Variants in HHAT observed in about 807,000 individuals in gnomAD.
HHAT encodes protein-cysteine N-palmitoyltransferase HHAT.
A neutral mutation model predicts 70.8 loss-of-function variants in HHAT; 47 were observed. The observed-to-expected ratio is 0.66, with a 90% CI of 0.53 to 0.85. The LOEUF is 0.85. HHAT is among the 40% of genes least tolerant of loss of function. The probability of loss-of-function intolerance (pLI) is 0.00; values close to 1 mark genes in which losing one functional copy is unlikely to be tolerated. For synonymous variants in HHAT, 228 were observed against 247.6 expected (o/e 0.92, Z 0.74); for missense variants, 609 against 604.8 (o/e 1.01, Z -0.07).
At chr1:210,524,305 A>G (rs2095212382) in intron 9 of HHAT, among the ~76,000 whole-genome samples, 1 of 152,222 alleles carries the variant, frequency 6.6e-6, no homozygotes, top group Non-Finnish European at 1.5e-5. Flanking sequence ...AAGCACTGTC[A>G]TTCCCTTGAT....
At chr1:210,347,427 TGGTG>T (rs1229153001) in intron 1 of HHAT, among the ~76,000 whole-genome samples, 5 of 152,264 alleles carry the variant, frequency 3.3e-5, no homozygotes, top group Middle Eastern at 3.4e-3. Context: ...TAGAAGTACT[TGGTG>T]GGGTTGGTGG....
At chr1:210,437,679 A>G (rs545404137) in intron 7 of HHAT, among the ~76,000 whole-genome samples, 1 of 151,844 alleles carries the variant, frequency 6.6e-6, no homozygotes, top group South Asian at 2.1e-4. Context: ...TGTTATTTAG[A>G]CTGCCGGGCC....
intron 8 of HHAT, among the ~76,000 whole-genome samples, chr1:210,479,451 ATT>A (rs2094357803): frequency 6.6e-6 from 1 of 152,052 alleles, no homozygotes; most frequent in South Asian, 2.1e-4. Context: ...TTCCACATCT[ATT>A]GTCTCATTTG....
At chr1:210,429,136 C>A (rs2093167528) in intron 7 of HHAT, among the ~76,000 whole-genome samples, 1 of 151,840 alleles carries the variant, frequency 6.6e-6, no homozygotes. Context: ...TTTTAAATAT[C>A]TAGAATGTTT....
chr1:210,425,331 T>A (rs944236495), intron 7 of HHAT, among the ~76,000 whole-genome samples: 1 of 152,246 alleles, frequency 6.6e-6, no homozygotes, highest in Non-Finnish European at 1.5e-5. Context: ...TGTTTTGCTG[T>A]GCAGAAGCTC....
intron 3 of HHAT, among the ~76,000 whole-genome samples, chr1:210,375,354 A>C (rs906673027): frequency 6.6e-6 from 1 of 152,182 alleles, no homozygotes; most frequent in Admixed American, 6.5e-5. Flanking sequence ...TATTTTTATC[A>C]TTCTGCAATG....
chr1:210,400,075 T>C (rs946977097), intron 4 of HHAT, among the ~76,000 whole-genome samples: 2 of 152,238 alleles, frequency 1.3e-5, no homozygotes, highest in Non-Finnish European at 2.9e-5. Context: ...CCTTCACTTC[T>C]GAAGGATGCT....
chr1:210,374,199 T>C (rs548513080), intron 3 of HHAT: 35 of 152,356 alleles, frequency 2.3e-4, no homozygotes, highest in African/African-American at 5.8e-4. Context: ...TTATAACTGA[T>C]TTGTTTCTCT....
intron 4 of HHAT, among the ~76,000 whole-genome samples, chr1:210,396,285 G>A (rs2091782427): frequency 6.6e-6 from 1 of 152,224 alleles, no homozygotes; most frequent in East Asian, 1.9e-4. Context: ...GTTCCGGTGG[G>A]GCTGTCATCC....
chr1:210,401,210 G>A (rs2092054989), intron 5 of HHAT, among the ~76,000 whole-genome samples: 1 of 152,170 alleles, frequency 6.6e-6, no homozygotes, highest in Admixed American at 6.5e-5. Context: ...CGCCTCCTGG[G>A]TTCAAGCGAT....
intron 9 of HHAT, among the ~76,000 whole-genome samples, chr1:210,521,783 C>G (rs1274149930): frequency 2.6e-5 from 4 of 152,090 alleles, no homozygotes; most frequent in African/African-American, 9.7e-5. Flanking sequence ...TTTTGGTGTC[C>G]CCTTAGGACC....
chr1:210,420,672 AAAC>A (rs2092873890), intron 7 of HHAT, among the ~76,000 whole-genome samples: 1 of 134,370 alleles, frequency 7.4e-6, no homozygotes, highest in African/African-American at 2.6e-5. Flanking sequence ...AAATTTAAAA[AAAC>A]AAAAAAAAAA....
At chr1:210,438,085 G>C (rs1237352118) in intron 7 of HHAT, among the ~76,000 whole-genome samples, 2 of 151,896 alleles carry the variant, frequency 1.3e-5, no homozygotes, top group African/African-American at 2.4e-5. Context: ...TGGGATGAGA[G>C]AAGGATAGCC....
At chr1:210,340,660 A>G (rs1295735581) in intron 1 of HHAT, among the ~76,000 whole-genome samples, 1 of 152,168 alleles carries the variant, frequency 6.6e-6, no homozygotes, top group African/African-American at 2.4e-5. Context: ...TAAGGAATGT[A>G]TGTGAGTTAG....
chr1:210,365,985 A>G (rs1370893341), intron 3 of HHAT, among the ~76,000 whole-genome samples: 1 of 151,814 alleles, frequency 6.6e-6, no homozygotes, highest in Non-Finnish European at 1.5e-5. Context: ...GCTGGAGTAC[A>G]GTGGTTGTAA....
intron 2 of HHAT, among the ~76,000 whole-genome samples, chr1:210,353,009 C>T (rs1463218896): frequency 6.6e-6 from 1 of 151,508 alleles, no homozygotes; most frequent in Non-Finnish European, 1.5e-5. Context: ...AATCTCGGCT[C>T]ACTGCAACCT....
chr1:210,466,403 G>T (rs2094110173), intron 8 of HHAT, among the ~76,000 whole-genome samples: 1 of 152,196 alleles, frequency 6.6e-6, no homozygotes, highest in Non-Finnish European at 1.5e-5. Context: ...AGTGGTTTTT[G>T]TTGAAAAGGT....
intron 3 of HHAT, among the ~76,000 whole-genome samples, chr1:210,380,413 C>A (rs1254952196): frequency 1.3e-5 from 2 of 152,080 alleles, no homozygotes; most frequent in Non-Finnish European, 1.5e-5. Context: ...TGGCAGTGTG[C>A]ACCTGTAATT....
At chr1:210,626,179 C>G (rs1453926244) in intron 11 of HHAT, among the ~76,000 whole-genome samples, 1 of 152,030 alleles carries the variant, frequency 6.6e-6, no homozygotes, top group Admixed American at 6.6e-5. Flanking sequence ...GGGAGAAACC[C>G]CAGGGAATGC....
Sources: allele counts gnomAD v4.1 joint callset (sites outside exome capture counted in the v4.1 genomes callset), GRCh38; gene constraint gnomAD v4.1.1; transcripts MANE v1.5; gene names NCBI Gene and HGNC (gene_info 2026-07-23, HGNC 2026-07-21).